The following HDAC9 variants were observed in gnomAD, a reference collection of about 807,000 sequenced individuals.
HDAC9 encodes the protein histone deacetylase 9.
HDAC9 carries 41 observed loss-of-function variants against 139.4 expected under a neutral mutation model. The ratio of observed to expected loss-of-function variants is 0.29; its 90% CI spans 0.23 to 0.38. The LOEUF is 0.38. HDAC9 is among the 10% of genes least tolerant of loss of function. HDAC9 has a pLI of 1.00. For missense variants in HDAC9, 1,147 were observed against 1,297.0 expected (o/e 0.88, Z 1.78); for synonymous variants, 517 against 476.2 (o/e 1.09, Z -1.12).
intron 24 of HDAC9, among the ~76,000 whole-genome samples, chr7:18,969,024 G>A (rs1467467718): frequency 1.5e-5 from 2 of 137,684 alleles, no homozygotes; most frequent in African/African-American, 5.3e-5. Flanking sequence ...AAAGTGGCTA[G>A]AATTTGTGAG....
intron 22 of HDAC9, among the ~76,000 whole-genome samples, chr7:18,928,599 C>T (rs1251403794): frequency 6.6e-6 from 1 of 152,086 alleles, no homozygotes; most frequent in Non-Finnish European, 1.5e-5. Flanking sequence ...TATCTAAAAA[C>T]AGAATTGCTT....
chr7:18,582,520 A>ATT (rs372889538), intron 2 of HDAC9, among the ~76,000 whole-genome samples: 2,128 of 151,982 alleles, frequency 0.014, 38 homozygotes, highest in African/African-American at 0.039. Flanking sequence ...ATATATATAT[A>ATT]TTTTTTAAAT....
chr7:18,358,327 A>C (rs1364017540), intron 1 of HDAC9, among the ~76,000 whole-genome samples: 3 of 151,916 alleles, frequency 2.0e-5, no homozygotes, highest in African/African-American at 4.9e-5. Flanking sequence ...TTGGGAGCAC[A>C]AACACTTATG....
chr7:18,965,787 C>A (rs1298933074), intron 24 of HDAC9, among the ~76,000 whole-genome samples: 1 of 152,166 alleles, frequency 6.6e-6, no homozygotes, highest in Non-Finnish European at 1.5e-5. Flanking sequence ...TCTGGCCAAT[C>A]ATAGAGCAAA....
chr7:18,102,172 T>C (rs1782896364), intron 1 of HDAC9, among the ~76,000 whole-genome samples: 1 of 152,238 alleles, frequency 6.6e-6, no homozygotes, highest in African/African-American at 2.4e-5. Context: ...CTTGCTATAG[T>C]GAATACATCT....
chr7:18,641,154 C>T (rs1391157008), intron 8 of HDAC9, among the ~76,000 whole-genome samples: 1 of 152,036 alleles, frequency 6.6e-6, no homozygotes, highest in Non-Finnish European at 1.5e-5. Flanking sequence ...TTAAATTCCA[C>T]ATAAATAGCT....
intron 21 of HDAC9, among the ~76,000 whole-genome samples, chr7:18,868,438 A>T (rs1240809561): frequency 1.3e-5 from 2 of 152,228 alleles, no homozygotes; most frequent in Non-Finnish European, 2.9e-5. Flanking sequence ...GGTTGCTGGC[A>T]TCAAGGAAAG....
intron 1 of HDAC9, among the ~76,000 whole-genome samples, chr7:18,359,416 G>A (rs1243033391): frequency 2.0e-5 from 3 of 152,160 alleles, no homozygotes; most frequent in African/African-American, 7.2e-5. Context: ...GATATTTGCT[G>A]TTGTCCCAAA....
At chr7:18,448,390 G>A (rs1413484330) in intron 1 of HDAC9, among the ~76,000 whole-genome samples, 1 of 152,086 alleles carries the variant, frequency 6.6e-6, no homozygotes, top group Non-Finnish European at 1.5e-5. Context: ...CGTACAAAAT[G>A]CAAGAAAGCA....
chr7:18,892,081 A>G (rs1800732388), intron 22 of HDAC9: 1 of 152,192 alleles, frequency 6.6e-6, no homozygotes, highest in Non-Finnish European at 1.5e-5. Context: ...AATGAAAAAG[A>G]ATGAGGGGAA....
intron 1 of HDAC9, among the ~76,000 whole-genome samples, chr7:18,421,927 A>C (rs1789657937): frequency 6.6e-6 from 1 of 152,094 alleles, no homozygotes; most frequent in African/African-American, 2.4e-5. Context: ...GTGACTCCTA[A>C]TCTGGGTATA....
At chr7:18,397,347 G>A (rs1374872555) in intron 1 of HDAC9, among the ~76,000 whole-genome samples, 1 of 152,076 alleles carries the variant, frequency 6.6e-6, no homozygotes, top group African/African-American at 2.4e-5. Flanking sequence ...TGCACTGAGA[G>A]GCATCAAATG....
chr7:18,179,912 C>T (rs900455811), intron 2 of HDAC9, among the ~76,000 whole-genome samples: 1 of 152,076 alleles, frequency 6.6e-6, no homozygotes, highest in Admixed American at 6.5e-5. Flanking sequence ...TTTTTTCTCT[C>T]AACCGTGACC....
chr7:18,212,674 C>A (rs1360257742), intron 2 of HDAC9, among the ~76,000 whole-genome samples: 1 of 152,174 alleles, frequency 6.6e-6, no homozygotes, highest in Non-Finnish European at 1.5e-5. Flanking sequence ...ACAGAGGAGG[C>A]ATCTTTTCTG....
intron 22 of HDAC9, among the ~76,000 whole-genome samples, chr7:18,892,827 C>T (rs993311390): frequency 9.2e-5 from 14 of 151,904 alleles, no homozygotes; most frequent in Admixed American, 5.9e-4. Context: ...ATTAAATCTA[C>T]CCCATGTAAG....
intron 12 of HDAC9, among the ~76,000 whole-genome samples, chr7:18,707,494 G>T (rs1172779111): frequency 6.6e-6 from 1 of 152,062 alleles, no homozygotes; most frequent in Non-Finnish European, 1.5e-5. Flanking sequence ...ATATATGCAG[G>T]AATATACAGC....
chr7:18,367,902 C>T (rs1437184649), intron 1 of HDAC9, among the ~76,000 whole-genome samples: 1 of 152,070 alleles, frequency 6.6e-6, no homozygotes, highest in Non-Finnish European at 1.5e-5. Flanking sequence ...ATCATTTGCA[C>T]TTTCCTGATT....
chr7:18,987,345 T>C (rs1332639198), intron 25 of HDAC9, among the ~76,000 whole-genome samples: 1 of 152,244 alleles, frequency 6.6e-6, no homozygotes, highest in Non-Finnish European at 1.5e-5. Context: ...TTGTCTTTGG[T>C]TCTGTTTATA....
intron 2 of HDAC9, among the ~76,000 whole-genome samples, chr7:18,167,766 C>T (rs1395202570): frequency 6.6e-6 from 1 of 152,136 alleles, no homozygotes; most frequent in Non-Finnish European, 1.5e-5. Flanking sequence ...CCATACCTAA[C>T]TACAAAGGAG....
Sources: gnomAD v4.1 joint callset for allele counts (sites outside exome capture counted in the v4.1 genomes callset) on GRCh38, gnomAD v4.1.1 for gene constraint, MANE v1.5 for transcripts, NCBI Gene and HGNC (gene_info 2026-07-23, HGNC 2026-07-21) for gene names.